The following TDRKH variants were observed in gnomAD, a reference collection of about 807,000 sequenced individuals.
TDRKH encodes tudor and KH domain-containing protein.
In TDRKH, 28 loss-of-function variants were observed where a neutral mutation model predicts 61.3. That is an observed-to-expected ratio of 0.46 (90% CI 0.34 to 0.63). The LOEUF (loss-of-function observed/expected upper bound fraction) is 0.63. Among genes scored for constraint, TDRKH ranks in the 20% least tolerant of loss-of-function variants. The pLI, the probability that TDRKH is intolerant of heterozygous loss-of-function variation, is 0.01. For synonymous variants in TDRKH, 219 were observed against 244.4 expected, an observed-to-expected ratio of 0.90 and a Z score of 0.97; for missense variants, 540 against 683.4, an observed-to-expected ratio of 0.79 and a Z score of 2.34.
chr1:151,780,007 TTC>T lies in TDRKH; in HGVS notation c.363_364del (p.Asn122TyrfsTer5). On this transcript the variant is annotated frameshift_variant, in exon 4 of 13. Coordinates refer to ENST00000368824, the MANE Select transcript of TDRKH (RefSeq NM_001083965.2). LOFTEE classifies it high-confidence loss of function. ...TGAAAGCTGCTCAGACACTGGGGTA[TTC>T]TCTGTCAGGATCTGATGGATTGCTG... The T allele has an allele frequency of 6.2e-7, 1 of 1,614,180 alleles. No homozygotes were observed. Among genetic ancestry groups the T allele is most frequent in the East Asian group, 2.2e-5 (1 of 44,876 alleles).
At chr1:151,788,744 A>C (rs559586517) in intron 1 of TDRKH, among the ~76,000 whole-genome samples, 1 of 152,340 alleles carries the variant, frequency 6.6e-6, no homozygotes, top group Admixed American at 6.5e-5. Context: ...CTCTTTACAG[A>C]GGCCCAAAGG....
At chr1:151,767,257 C>T, downstream of TDRKH, 1 of 1,614,020 alleles carries the variant, frequency 6.2e-7, no homozygotes, top group Non-Finnish European at 8.5e-7. Flanking sequence ...AGGGCAAAAG[C>T]ACCGAGCAGG....
chr1:151,768,363 C>A (rs1387518280), downstream of TDRKH: 10 of 1,345,552 alleles, frequency 7.4e-6, no homozygotes, highest in East Asian at 2.5e-5. Context: ...TGCAGACAAG[C>A]CTGTGAGCTG....
intron 1 of TDRKH, among the ~76,000 whole-genome samples, chr1:151,785,947 T>G (rs1033547892): frequency 1.3e-5 from 2 of 152,186 alleles, no homozygotes; most frequent in East Asian, 3.8e-4. Context: ...TAAATAAGAT[T>G]TGCTTAAAAA....
chr1:151,779,879 C>T, intron 4 of TDRKH, 72 bp downstream of exon 4: 1 of 1,481,290 alleles, frequency 6.8e-7, no homozygotes, highest in Non-Finnish European at 9.1e-7. Context: ...CCAGAAAAAA[C>T]CCTGGGAAGG....
At chr1:151,768,108 A>G (rs759954620), downstream of TDRKH, 1 of 1,613,944 alleles carries the variant, frequency 6.2e-7, no homozygotes, top group Non-Finnish European at 8.5e-7. Flanking sequence ...ACCAGGACCC[A>G]GTACAGTTAG....
chr1:151,767,119 C>G (rs528498217), downstream of TDRKH: 1 of 1,609,210 alleles, frequency 6.2e-7, no homozygotes, highest in Non-Finnish European at 8.5e-7. Flanking sequence ...ATCTTCCCAC[C>G]TCAGATTCCA....
In TDRKH at chr1:151,779,156, G is replaced by A; in HGVS notation, c.508C>T (p.Leu170=). The A allele has an allele frequency of 6.2e-7, 1 of 1,614,204 alleles. No individual in the cohort carries two copies. The highest frequency in any genetic ancestry group is 8.5e-7 in the Non-Finnish European group (1 of 1,180,040). The change falls in exon 5 of 13, where the codon CTA becomes TTA. Residue 170 remains leucine (L), a synonymous_variant. Coordinates refer to ENST00000368824, the MANE Select transcript of TDRKH (RefSeq NM_001083965.2). ...CCTGAGATTTTTATAAGTCTTGATA[G>A]TAGTAATGTCCCTTCTGATTCTTTG... ...CDKESEGTLL[L]SRLIKISGTQ...
chr1:151,779,775 G>A, intron 4 of TDRKH, 176 bp downstream of exon 4: 1 of 571,778 alleles, frequency 1.7e-6, no homozygotes, highest in Non-Finnish European at 3.0e-6. Flanking sequence ...ACTTCTTGAG[G>A]AAACAGGTTT....
chr1:151,783,585 A>C (rs1650042854), intron 1 of TDRKH: 1 of 152,298 alleles, frequency 6.6e-6, no homozygotes, highest in African/African-American at 2.4e-5. Context: ...AACTTCCCAG[A>C]TAATCAACCT....
downstream of TDRKH, chr1:151,768,227 GGGAAAGGTGACTGAGCCT>G (rs1648438206): frequency 1.2e-6 from 2 of 1,610,368 alleles, no homozygotes; most frequent in Non-Finnish European, 8.5e-7. Context: ...CAAGGCAACC[GGGAAAGGTGACTGAGCCT>G]GGATGGGAGA....
At chr1:151,768,167 T>G (rs1343298513), downstream of TDRKH, 7 of 1,614,012 alleles carry the variant, frequency 4.3e-6, no homozygotes, top group Non-Finnish European at 5.9e-6. Flanking sequence ...TGGCACGGCC[T>G]TCTCTGTGAC....
chr1:151,785,856 A>G (rs904744847), intron 1 of TDRKH, among the ~76,000 whole-genome samples: 5 of 152,234 alleles, frequency 3.3e-5, no homozygotes, highest in African/African-American at 1.2e-4. Context: ...CTAAAAAACT[A>G]AAGATAGGTG....
intron 3 of TDRKH, among the ~76,000 whole-genome samples, chr1:151,780,849 CAAAA>C (rs71789262): frequency 2.3e-5 from 2 of 86,218 alleles, no homozygotes; most frequent in Admixed American, 1.2e-4. Flanking sequence ...GACTCTGTCT[CAAAA>C]AAAAAAAAAA....
At chr1:151,770,768 A>C (rs187975416), downstream of TDRKH, among the ~76,000 whole-genome samples, 248 of 152,314 alleles carry the variant, frequency 1.6e-3, no homozygotes, top group South Asian at 6.2e-3. Context: ...ATATAGGTAG[A>C]CCTCACTAAT....
At chr1:151,788,427 G>A (rs139741689) in intron 1 of TDRKH, among the ~76,000 whole-genome samples, 123 of 152,226 alleles carry the variant, frequency 8.1e-4, no homozygotes, top group South Asian at 3.9e-3. Flanking sequence ...GAGTCTTTAG[G>A]TCTTAAGGGC....
intron 11 of TDRKH, 87 bp downstream of exon 11, chr1:151,774,978 C>A: frequency 6.9e-7 from 1 of 1,458,980 alleles, no homozygotes; most frequent in South Asian, 1.2e-5. Flanking sequence ...CTTAGGAAAG[C>A]TAACACAGTA....
At chr1:151,768,098 A>C (rs1308603892), downstream of TDRKH, 2 of 1,613,784 alleles carry the variant, frequency 1.2e-6, no homozygotes, top group East Asian at 4.5e-5. Flanking sequence ...CCCCTGCTCC[A>C]CCAGGACCCA....
In TDRKH at chr1:151,781,532, G is replaced by C. The variant is rs577246928; in HGVS notation, c.180C>G (p.Pro60=). The stretch of plus-strand genomic sequence containing the variant: ...CAATGATGAGTTTCACAGCCTCCTG[G>C]GGAACCCGCATCTCTATCTCAATGT... ...EDDIEIEMRV[P]QEAVKLIIGR... Residue 60 remains proline, a synonymous_variant, in exon 3 of 13, where the codon CCC becomes CCG. Coordinates refer to ENST00000368824, the MANE Select transcript of TDRKH (RefSeq NM_001083965.2). 9.3e-6 allele frequency: 15 copies of C among 1,613,198 alleles called. No individual in the cohort carries two copies. In the South Asian group the frequency reaches 1.6e-4, roughly 18 times the overall value.
Sources: allele counts gnomAD v4.1 joint callset (sites outside exome capture counted in the v4.1 genomes callset), GRCh38; gene constraint gnomAD v4.1.1; transcripts MANE v1.5; gene names NCBI Gene and HGNC (gene_info 2026-07-23, HGNC 2026-07-21).